The following SULF1 variants were observed in gnomAD, a reference collection of about 807,000 sequenced individuals.
SULF1 encodes the protein sulfatase 1, also known as extracellular sulfatase Sulf-1.
A neutral mutation model predicts 110.5 loss-of-function variants in SULF1; 46 were observed. The ratio of observed to expected loss-of-function variants is 0.42; its 90% confidence interval spans 0.33 to 0.53. The LOEUF is 0.53. SULF1 is among the 20% of genes least tolerant of loss of function. The probability of loss-of-function intolerance (pLI) is 0.12; values close to 1 mark genes in which losing one functional copy is unlikely to be tolerated. For missense variants in SULF1, 941 were observed against 1,094.2 expected, an observed-to-expected ratio of 0.86 and a Z score of 1.98; for synonymous variants, 371 against 387.1, an observed-to-expected ratio of 0.96 and a Z score of 0.49.
upstream of SULF1, among the ~76,000 whole-genome samples, chr8:69,490,185 C>G (rs189930835): frequency 6.6e-6 from 1 of 150,930 alleles, no homozygotes; most frequent in East Asian, 2.0e-4. Flanking sequence ...TCACTGCAAC[C>G]TCTGCCTCCT....
chr8:69,506,022 T>G (rs1811168243), intron 3 of SULF1, among the ~76,000 whole-genome samples: 2 of 152,168 alleles, frequency 1.3e-5, no homozygotes, highest in South Asian at 4.1e-4. Context: ...AGTGATTTCA[T>G]AGGGTATTAT....
In SULF1 at chr8:69,658,506, G is replaced by A. The variant is rs148285446; in HGVS notation, c.2587G>A (p.Gly863Arg). The A allele has an allele frequency of 6.3e-6, 10 of 1,592,780 alleles. No homozygotes were observed. In the African/African-American group the frequency reaches 1.1e-4, roughly 17 times the overall value. The change falls in exon 23 of 23, where the codon GGA becomes AGA. Residue 863 changes from glycine (G) to arginine (R), a missense_variant and splice_region_variant. Physicochemically the swap from Gly to Arg is moderately radical, Grantham distance 125. Transcript: ENST00000402687. ...KDGGSYDLHR[G>R]QLWDGWEG ...TCACCTTCTTCTCTCTTTTCACAGAGGACAGTTATGGGATGGATGGGAAGG... is the reference window on the plus strand; with the variant it reads ...TCACCTTCTTCTCTCTTTTCACAGAAGACAGTTATGGGATGGATGGGAAGG...
At chr8:69,619,966 T>C (rs1313083638) in intron 13 of SULF1, among the ~76,000 whole-genome samples, 1 of 152,184 alleles carries the variant, frequency 6.6e-6, no homozygotes, top group Non-Finnish European at 1.5e-5. Context: ...AGAGGGCCAA[T>C]ATGACAGCTT....
At chr8:69,503,694 C>T (rs146926018) in intron 3 of SULF1, among the ~76,000 whole-genome samples, 3 of 152,334 alleles carry the variant, frequency 2.0e-5, no homozygotes, top group African/African-American at 7.2e-5. Flanking sequence ...CCTGATACTA[C>T]AAGAGCACCC....
At chr8:69,611,619 A>T (rs1488906216) in intron 13 of SULF1, among the ~76,000 whole-genome samples, 1 of 152,228 alleles carries the variant, frequency 6.6e-6, no homozygotes, top group South Asian at 2.1e-4. Flanking sequence ...TTTTAAACAC[A>T]TGTCCACATG....
chr8:69,586,597 T>C (rs1806482554), intron 7 of SULF1, 89 bp downstream of exon 7: 3 of 1,390,578 alleles, frequency 2.2e-6, no homozygotes, highest in Non-Finnish European at 2.9e-6. Flanking sequence ...ATCCACAAGA[T>C]TGGCTTTCTA....
At chr8:69,649,635 A>AT (rs950507944) in intron 22 of SULF1, among the ~76,000 whole-genome samples, 1 of 152,190 alleles carries the variant, frequency 6.6e-6, no homozygotes, top group Non-Finnish European at 1.5e-5. Context: ...TAAAGAGTGC[A>AT]TGCCAGTTAT....
At chr8:69,617,381 A>AGC (rs1809240864) in intron 13 of SULF1, among the ~76,000 whole-genome samples, 1 of 652 alleles carries the variant, frequency 1.5e-3, no homozygotes, top group Non-Finnish European at 2.7e-3. Context: ...AGCTATATAT[A>AGC]TATATATATA....
In SULF1 at chr8:69,603,174, C is replaced by A; in HGVS notation, c.1062-18C>A. 1.9e-6 allele frequency: 3 copies of A among 1,613,970 alleles called. No individual in the cohort carries two copies. Among genetic ancestry groups the A allele is most frequent in the South Asian group, 1.1e-5 (1 of 91,066 alleles). On this transcript the variant is annotated intron_variant, in intron 10 of 22. Coordinates refer to ENST00000402687, the MANE Select transcript of SULF1 (RefSeq NM_001128205.2). ...CCCTGGCATTGGATCTCAGCCATCA[C>A]CGTGTGCCCCTTTACAGAGTCCCAC... is the stretch of plus-strand genomic sequence containing the variant.
At chr8:69,563,056 T>C (rs569825066) in intron 3 of SULF1, 11 of 152,346 alleles carry the variant, frequency 7.2e-5, no homozygotes, top group African/African-American at 2.6e-4. Flanking sequence ...CAGAAAAGAC[T>C]CTCCGGGGTA....
intron 3 of SULF1, among the ~76,000 whole-genome samples, chr8:69,545,798 G>A (rs1319550195): frequency 6.6e-6 from 1 of 152,166 alleles, no homozygotes; most frequent in Admixed American, 6.5e-5. Context: ...CCAGGTTCAA[G>A]CAATTCTCCT....
At chr8:69,630,857 G>A (rs1385316423) in intron 19 of SULF1, among the ~76,000 whole-genome samples, 1 of 152,146 alleles carries the variant, frequency 6.6e-6, no homozygotes, top group East Asian at 1.9e-4. Context: ...TAGGGTACAT[G>A]TGCACAACGT....
At chr8:69,554,896 G>A (rs533596506) in intron 3 of SULF1, among the ~76,000 whole-genome samples, 13 of 148,448 alleles carry the variant, frequency 8.8e-5, no homozygotes, top group African/African-American at 3.2e-4. Flanking sequence ...GGAGAATGGC[G>A]CGAACCTGGG....
chr8:69,468,340 C>T (rs988663821), intron 1 of SULF1, among the ~76,000 whole-genome samples: 1 of 152,094 alleles, frequency 6.6e-6, no homozygotes, highest in Non-Finnish European at 1.5e-5. Context: ...CATAAAGATG[C>T]CTGTAAAATT....
Position 69,586,418 on chromosome 8 carries a change from A to G in SULF1, c.474A>G (p.Glu158=). Residue 158 remains glutamate, a synonymous_variant, in exon 7 of 23, where the codon GAA becomes GAG. Transcript: ENST00000402687. ...NGSYIPPGWR[E]WLGLIKNSRF... is the part of the protein sequence containing the mutation. ...GCTACATCCCCCCTGGGTGGCGAGA[A>G]TGGCTTGGATTAATCAAGAATTCTC... 6.2e-7 allele frequency: 1 copy of G among 1,611,648 alleles called. No individual in the cohort carries two copies. The highest frequency in any genetic ancestry group is 8.5e-7 in the Non-Finnish European group (1 of 1,179,274).
chr8:69,567,548 G>A (rs145780949), intron 5 of SULF1, among the ~76,000 whole-genome samples: 36 of 152,144 alleles, frequency 2.4e-4, no homozygotes, highest in Middle Eastern at 3.4e-3. Flanking sequence ...CTGTGGATTT[G>A]ACTACTCTAG....
chr8:69,559,927 A>G (rs2150711895), intron 3 of SULF1, among the ~76,000 whole-genome samples: 1 of 152,306 alleles, frequency 6.6e-6, no homozygotes, highest in South Asian at 2.1e-4. Context: ...ACTATATGTG[A>G]AGCTTCTATC....
At chr8:69,581,972 CA>C (rs138235335) in intron 6 of SULF1, among the ~76,000 whole-genome samples, 17,653 of 152,078 alleles carry the variant, frequency 0.12, 1,311 homozygotes, top group Middle Eastern at 0.21. Flanking sequence ...ACAGAGACAC[CA>C]AAAACCTGGA....
rs578088944 is a variant in SULF1 at position 69,468,519 on chromosome 8, C to T, written c.-391+1569C>T. Among the ~76,000 whole-genome samples the T allele has an allele frequency of 4.6e-5, 7 of 152,164 alleles. No homozygotes were observed. In the South Asian group the frequency reaches 1.5e-3, roughly 32 times the overall value. On this transcript the variant is annotated intron_variant, in intron 1 of 22. Coordinates refer to the SULF1 transcript ENST00000260128. ...ACTTCTCCTTCAATGAGAAATTATC[C>T]TCATAAATACCCAGGCAGTTATTCC...
Sources: allele counts gnomAD v4.1 joint callset (sites outside exome capture counted in the v4.1 genomes callset), GRCh38; gene constraint gnomAD v4.1.1; transcripts MANE v1.5; gene names NCBI Gene and HGNC (gene_info 2026-07-23, HGNC 2026-07-21).